The following PTPRD variants were observed in gnomAD, a reference collection of about 807,000 sequenced individuals.
PTPRD encodes protein tyrosine phosphatase receptor type D.
In PTPRD, 34 loss-of-function variants were observed where a neutral mutation model predicts 214.5. That is an observed-to-expected ratio of 0.16 (90% CI 0.12 to 0.21). The LOEUF (loss-of-function observed/expected upper bound fraction) is 0.21, where lower values mean the gene tolerates loss of function less well. Among genes scored for constraint, PTPRD ranks in the 10% least tolerant of loss-of-function variants. The probability of loss-of-function intolerance (pLI) is 1.00; values close to 1 mark genes in which losing one functional copy is unlikely to be tolerated. For synonymous variants in PTPRD, 1,128 were observed against 845.7 expected, an observed-to-expected ratio of 1.33 and a Z score of -5.79; for missense variants, 2,545 against 2,398.7, an observed-to-expected ratio of 1.06 and a Z score of -1.27.
chr9:9,254,743 T>C (rs986784223), intron 9 of PTPRD, among the ~76,000 whole-genome samples: 1 of 152,028 alleles, frequency 6.6e-6, no homozygotes, highest in African/African-American at 2.4e-5. Context: ...CATTTGAAAA[T>C]TCACTGTTTT....
At chr9:8,398,753 G>C (rs1401916374) in intron 36 of PTPRD, among the ~76,000 whole-genome samples, 1 of 152,102 alleles carries the variant, frequency 6.6e-6, no homozygotes, top group Non-Finnish European at 1.5e-5. Context: ...GCACCATCTT[G>C]GAAGTGGACA....
At chr9:10,198,588 G>C (rs1033628859) in intron 3 of PTPRD, among the ~76,000 whole-genome samples, 7 of 152,130 alleles carry the variant, frequency 4.6e-5, no homozygotes, top group African/African-American at 1.7e-4. Context: ...AGGACTGTTA[G>C]AGGCAAGGAC....
intron 10 of PTPRD, among the ~76,000 whole-genome samples, chr9:9,148,453 G>T (rs945157235): frequency 6.6e-6 from 1 of 152,058 alleles, no homozygotes; most frequent in Non-Finnish European, 1.5e-5. Flanking sequence ...AAAAAATACA[G>T]CTTCTTTTTG....
At chr9:9,799,574 A>C (rs2099025418) in intron 5 of PTPRD, 1 of 152,194 alleles carries the variant, frequency 6.6e-6, no homozygotes, top group Non-Finnish European at 1.5e-5. Context: ...AAGTGTTGTC[A>C]GTTCAATATT....
At chr9:9,582,646 C>A (rs2091085407) in intron 7 of PTPRD, among the ~76,000 whole-genome samples, 1 of 151,930 alleles carries the variant, frequency 6.6e-6, no homozygotes, top group Non-Finnish European at 1.5e-5. Flanking sequence ...CTCAATAAAG[C>A]TGTTATTTTT....
chr9:9,431,778 T>G (rs1258831927), intron 8 of PTPRD, among the ~76,000 whole-genome samples: 1 of 151,454 alleles, frequency 6.6e-6, no homozygotes, highest in African/African-American at 2.4e-5. Flanking sequence ...CTGGAAACCA[T>G]CATTCTGAGC....
At chr9:10,203,202 G>C (rs1594083472) in intron 3 of PTPRD, among the ~76,000 whole-genome samples, 1 of 143,870 alleles carries the variant, frequency 7.0e-6, no homozygotes, top group East Asian at 2.0e-4. Flanking sequence ...TGAATTGTGA[G>C]TTTCTGGAAG....
chr9:8,485,105 T>C (rs1318448792), intron 29 of PTPRD, 122 bp downstream of exon 29: 9 of 723,036 alleles, frequency 1.2e-5, no homozygotes, highest in East Asian at 2.7e-5. Flanking sequence ...AAGTCACAAA[T>C]GAAAATAGCA....
chr9:9,769,317 CTTTTTTTT>C (rs34497562), intron 5 of PTPRD, among the ~76,000 whole-genome samples: 6 of 69,594 alleles, frequency 8.6e-5, no homozygotes, highest in Non-Finnish European at 1.5e-4. Context: ...ACCAGAAGCC[CTTTTTTTT>C]TTTTTTTTTT....
intron 5 of PTPRD, among the ~76,000 whole-genome samples, chr9:9,843,977 T>C (rs1472652586): frequency 6.6e-6 from 1 of 152,030 alleles, no homozygotes; most frequent in East Asian, 1.9e-4. Context: ...ATTAGAAACA[T>C]ATACCTATGT....
intron 8 of PTPRD, among the ~76,000 whole-genome samples, chr9:9,476,581 T>G (rs2095058361): frequency 6.6e-6 from 1 of 152,182 alleles, no homozygotes; most frequent in Non-Finnish European, 1.5e-5. Context: ...GTTTGGTTCC[T>G]TCACTGCTAG....
intron 14 of PTPRD, among the ~76,000 whole-genome samples, chr9:8,598,072 G>A (rs1032898166): frequency 6.6e-6 from 1 of 152,050 alleles, no homozygotes; most frequent in Non-Finnish European, 1.5e-5. Context: ...ATATAAATAT[G>A]CATGGAGAAA....
chr9:8,804,477 G>A (rs926330898), intron 11 of PTPRD, among the ~76,000 whole-genome samples: 10 of 151,836 alleles, frequency 6.6e-5, no homozygotes, highest in African/African-American at 2.4e-4. Context: ...GCATGCCTGT[G>A]GTCCCAATTA....
chr9:10,365,432 T>A (rs1220840332), intron 2 of PTPRD, among the ~76,000 whole-genome samples: 1 of 152,204 alleles, frequency 6.6e-6, no homozygotes, highest in Non-Finnish European at 1.5e-5. Flanking sequence ...TAGCACACAC[T>A]TTTTCTGTTC....
chr9:9,967,289 TATC>T (rs59334298), intron 4 of PTPRD, among the ~76,000 whole-genome samples: 25,572 of 152,070 alleles, frequency 0.17, 2,651 homozygotes, highest in Middle Eastern at 0.34. Context: ...TTCTTGTCAT[TATC>T]ATTATTAGCA....
chr9:9,830,866 T>C (rs1445841193), intron 5 of PTPRD, among the ~76,000 whole-genome samples: 1 of 151,920 alleles, frequency 6.6e-6, no homozygotes, highest in Non-Finnish European at 1.5e-5. Context: ...CCTTTTCTAC[T>C]TAATTATTTT....
chr9:8,651,163 AGAT>A (rs1442735755), intron 12 of PTPRD, among the ~76,000 whole-genome samples: 3 of 152,250 alleles, frequency 2.0e-5, no homozygotes, highest in Non-Finnish European at 2.9e-5. Flanking sequence ...CATATATGCA[AGAT>A]GATTATGAGA....
intron 39 of PTPRD, among the ~76,000 whole-genome samples, chr9:8,372,606 T>C (rs745775591): frequency 2.6e-5 from 4 of 152,030 alleles, no homozygotes; most frequent in East Asian, 1.9e-4. Flanking sequence ...TATGAACTGA[T>C]AGATAACTAG....
At chr9:8,520,573 T>A (rs2097867488) in intron 20 of PTPRD, among the ~76,000 whole-genome samples, 1 of 152,282 alleles carries the variant, frequency 6.6e-6, no homozygotes. Flanking sequence ...TGACTCAATT[T>A]GCAAACACTT....
Sources: allele counts gnomAD v4.1 joint callset (sites outside exome capture counted in the v4.1 genomes callset), GRCh38; gene constraint gnomAD v4.1.1; transcripts MANE v1.5; gene names NCBI Gene and HGNC (gene_info 2026-07-23, HGNC 2026-07-21).